Variants in NEMP1 observed in about 807,000 individuals in gnomAD.
The protein encoded by NEMP1 is nuclear envelope integral membrane protein 1.
Under a neutral mutation model 53.7 loss-of-function variants are expected in NEMP1, and 29 were observed. The observed-to-expected ratio is 0.54, with a 90% CI of 0.40 to 0.74. The LOEUF (loss-of-function observed/expected upper bound fraction) is 0.74, where lower values mean the gene tolerates loss of function less well. Among genes scored for constraint, NEMP1 ranks in the 30% least tolerant of loss-of-function variants. The pLI is 0.00. For missense variants in NEMP1, 477 were observed against 528.6 expected (o/e 0.90, Z 0.96); for synonymous variants, 193 against 192.9 (o/e 1.00, Z 0.00).
At chr12:57,068,575 C>CT (rs1156927311) in intron 4 of NEMP1, among the ~76,000 whole-genome samples, 2 of 151,572 alleles carry the variant, frequency 1.3e-5, no homozygotes, top group East Asian at 1.9e-4. Context: ...TATTTGTTTC[C>CT]TTTTTTTTGA....
intron 4 of NEMP1, among the ~76,000 whole-genome samples, chr12:57,067,473 C>T (rs2032146575): frequency 6.6e-6 from 1 of 150,638 alleles, no homozygotes; most frequent in Non-Finnish European, 1.5e-5. Context: ...ATTATAATTA[C>T]TAAAATGTGA....
intron 1 of NEMP1, among the ~76,000 whole-genome samples, chr12:57,086,381 G>C (rs186663511): frequency 3.3e-5 from 5 of 152,248 alleles, no homozygotes; most frequent in Admixed American, 3.3e-4. Flanking sequence ...CTGTCTTTGA[G>C]AGCACTGGGG....
intron 1 of NEMP1, among the ~76,000 whole-genome samples, chr12:57,076,238 AT>A (rs2032613400): frequency 3.3e-5 from 5 of 152,256 alleles, no homozygotes; most frequent in Admixed American, 3.3e-4. Flanking sequence ...ATTAATAATG[AT>A]TTTTACCAGG....
intron 4 of NEMP1, 53 bp downstream of exon 4, chr12:57,069,181 C>G (rs1479526974): frequency 3.9e-6 from 5 of 1,290,382 alleles, no homozygotes; most frequent in Non-Finnish European, 5.3e-6. Flanking sequence ...CTATAAAACG[C>G]AGGCAGGATA....
Position 57,069,449 on chromosome 12 carries a change from T to C in NEMP1, c.473-143A>G, listed in dbSNP as rs1353966509. ...ACCTAAAAAGCATTTAAATTTCACC[T>C]AAAGCCTGGGCACCCTTCCAATGTA... On this transcript the variant is annotated intron_variant, in intron 3 of 8. Transcript: ENST00000300128. 1.5e-5 allele frequency: 9 copies of C among 585,396 alleles called. No homozygotes were observed. The South Asian group carries it at 1.8e-4, about 11-fold the overall frequency. The allele number at this position is 585,396 out of a possible 1,614,324, so 36.3% of individuals were successfully genotyped here.
At chr12:57,081,861 C>T (rs1208669330), upstream of NEMP1, among the ~76,000 whole-genome samples, 2 of 145,368 alleles carry the variant, frequency 1.4e-5, no homozygotes, top group African/African-American at 2.6e-5. Flanking sequence ...GAGCTGAGAT[C>T]GCTCCACTGC....
Position 57,061,629 on chromosome 12 carries a change from G to A in NEMP1, c.981-684C>T, listed in dbSNP as rs966920109. 6.9e-5 allele frequency among the ~76,000 whole-genome samples: 10 copies of A among 144,506 alleles called. No homozygotes were observed. In the Admixed American group the frequency reaches 7.3e-4, roughly 10 times the overall value. 94.8% of individuals were successfully genotyped at this position (144,506 alleles called of 152,430 possible). A position where few individuals can be genotyped will look rare whatever the true frequency, so the allele number is the denominator to read the frequency against. ...AATCGCTTGAACCAGGGAGGCGGAG[G>A]TTGCAGTGAGCCGAGATCATGCCAT... On this transcript the variant is annotated intron_variant, in intron 7 of 8. Transcript: ENST00000300128.
chr12:57,074,986 A>C (rs992805750), intron 1 of NEMP1, among the ~76,000 whole-genome samples: 1 of 152,066 alleles, frequency 6.6e-6, no homozygotes, highest in African/African-American at 2.4e-5. Context: ...GCTTCTTGGG[A>C]GGCTGAGGCA....
chr12:57,072,665 CT>C, intron 2 of NEMP1, 122 bp downstream of exon 2: 1 of 1,093,916 alleles, frequency 9.1e-7, no homozygotes, highest in Non-Finnish European at 1.3e-6. Flanking sequence ...AATCTCAACC[CT>C]AACAAGATTG....
At chr12:57,063,968 C>G (rs2031945752) in intron 6 of NEMP1, 103 bp downstream of exon 6, 1 of 636,326 alleles carries the variant, frequency 1.6e-6, no homozygotes, top group African/African-American at 2.0e-5. Flanking sequence ...AAAAAAATGA[C>G]ATGAACTATT....
rs1387991190 is a variant in NEMP1, at chr12:57,072,838, A to G, written c.202T>C (p.Tyr68His). 1 of 1,613,772 alleles carries G rather than the reference A, an allele frequency of 6.2e-7. No individual in the cohort carries two copies. Among genetic ancestry groups the G allele is most frequent in the Admixed American group, 1.7e-5 (1 of 59,940 alleles). ...CEKRASQQFC[Y>H]TNVLIPKWHD... ...CATTTTGGGATAAGCACATTTGTGT[A>G]ACAGAATTGTTGGCTGGCACGCTTT... Residue 68 changes from tyrosine (Y) to histidine (H), a missense_variant, in exon 2 of 9, where the codon TAC (tyrosine) becomes CAC (histidine). Physicochemically the swap from Tyr to His is moderately conservative, Grantham distance 83. Transcript: ENST00000300128.
rs2031653006 is a variant in NEMP1, at chr12:57,058,787, T to G, written c.*1092A>C. 1 of 152,078 alleles carries G rather than the reference T, an allele frequency of 6.6e-6. No homozygotes were observed. The highest frequency in any genetic ancestry group is 6.5e-5 in the Admixed American group (1 of 15,274). 9.4% of individuals were successfully genotyped at this position (152,078 alleles called of 1,614,324 possible). ...TTCAAGGCTTAAAAATTACCCAGAT[T>G]TGGGGGAGTATGGGTGGTGAGAAAA... On this transcript the variant is annotated 3_prime_UTR_variant, in exon 9 of 9. Transcript: ENST00000300128.
intron 2 of NEMP1, among the ~76,000 whole-genome samples, chr12:57,071,417 G>A (rs552304520): frequency 5.3e-5 from 8 of 151,602 alleles, no homozygotes; most frequent in Middle Eastern, 3.4e-3. Flanking sequence ...TCGCTCTGTC[G>A]CCCAAGCTGG....
At chr12:57,066,127 C>A (rs1474101621) in intron 4 of NEMP1, among the ~76,000 whole-genome samples, 2 of 151,816 alleles carry the variant, frequency 1.3e-5, no homozygotes, top group African/African-American at 4.8e-5. Context: ...TGGTGGCAGG[C>A]GCCTATAGTC....
rs2031499989 is a variant in NEMP1, at chr12:57,055,894, A to G, written c.*3985T>C. On this transcript the variant is annotated 3_prime_UTR_variant, in exon 9 of 9. Coordinates refer to ENST00000300128, the MANE Select transcript of NEMP1 (RefSeq NM_001130963.2). ...GTAATTCCTTAGCCCTGCTATTTCA[A>G]TATCAATTCCACAAACATGGAAAAT... 1 of 152,240 alleles carries G rather than the reference A, an allele frequency of 6.6e-6. No homozygotes were observed. Among genetic ancestry groups the G allele is most frequent in the Non-Finnish European group, 1.5e-5 (1 of 68,036 alleles). The allele number at this position is 152,240 out of a possible 1,614,324, so 9.4% of individuals were successfully genotyped here.
intron 1 of NEMP1, among the ~76,000 whole-genome samples, chr12:57,085,697 C>A (rs2032970375): frequency 6.6e-6 from 1 of 152,222 alleles, no homozygotes; most frequent in Admixed American, 6.5e-5. Flanking sequence ...GCCAGGACTT[C>A]GGCCTACTAC....
At chr12:57,070,536 G>T in intron 3 of NEMP1, 138 bp downstream of exon 3, 1 of 675,908 alleles carries the variant, frequency 1.5e-6, no homozygotes, top group Non-Finnish European at 2.5e-6. Flanking sequence ...ACTGTTTAGA[G>T]CAGTGGTATA....
At chr12:57,065,580 G>C (rs2032033278) in intron 4 of NEMP1, among the ~76,000 whole-genome samples, 1 of 149,246 alleles carries the variant, frequency 6.7e-6, no homozygotes, top group Non-Finnish European at 1.5e-5. Flanking sequence ...GGGGTGCGAT[G>C]GCGTCATCAT....
upstream of NEMP1, among the ~76,000 whole-genome samples, chr12:57,082,707 G>C (rs551763480): frequency 3.1e-4 from 47 of 152,126 alleles, no homozygotes; most frequent in South Asian, 8.9e-3. Flanking sequence ...GTAAGACCTT[G>C]TTGCTAAAAA....
Sources: allele counts gnomAD v4.1 joint callset (sites outside exome capture counted in the v4.1 genomes callset), GRCh38; gene constraint gnomAD v4.1.1; transcripts MANE v1.5; gene names NCBI Gene and HGNC (gene_info 2026-07-23, HGNC 2026-07-21).